The following C1QTNF3 variants were observed in gnomAD, a reference collection of about 807,000 sequenced individuals.
C1QTNF3 encodes complement C1q tumor necrosis factor-related protein 3.
C1QTNF3 carries 26 observed loss-of-function variants against 32.6 expected under a neutral mutation model. That is an observed-to-expected ratio of 0.80 (90% confidence interval 0.58 to 1.11). C1QTNF3 has a LOEUF of 1.11. C1QTNF3 is among the 50% of genes least tolerant of loss of function. The pLI is 0.00. For missense variants in C1QTNF3, 362 were observed against 398.2 expected (o/e 0.91, Z 0.77); for synonymous variants, 155 against 146.0 (o/e 1.06, Z -0.44).
the C1QTNF3 span, among the ~76,000 whole-genome samples, chr5:34,113,465 C>A: frequency 2.0e-5 from 3 of 151,984 alleles, no homozygotes; most frequent in East Asian, 5.8e-4. Flanking sequence ...CTCTTTGTCT[C>A]ATTTTTAACC....
the C1QTNF3 span, among the ~76,000 whole-genome samples, chr5:34,123,044 C>T: frequency 7.9e-5 from 12 of 151,354 alleles, no homozygotes; most frequent in African/African-American, 2.9e-4. Context: ...GCAGCCTTAG[C>T]GAAGTGTGTA....
chr5:34,064,818 C>T, the C1QTNF3 span, among the ~76,000 whole-genome samples: 1 of 152,268 alleles, frequency 6.6e-6, no homozygotes, highest in Middle Eastern at 3.4e-3. Context: ...GTTGCCTAGT[C>T]TTTTCTCTTA....
the C1QTNF3 span, among the ~76,000 whole-genome samples, chr5:34,177,606 C>T: frequency 1.1e-4 from 17 of 150,332 alleles, no homozygotes; most frequent in African/African-American, 4.2e-4. Flanking sequence ...CCTGCTTTAG[C>T]CTCCTGAGTA....
chr5:34,198,705 T>A, the C1QTNF3 span, among the ~76,000 whole-genome samples: 1 of 23,192 alleles, frequency 4.3e-5, no homozygotes, highest in Non-Finnish European at 7.9e-5. Flanking sequence ...CTTCTTAAAC[T>A]GAGAAGAATC....
the C1QTNF3 span, among the ~76,000 whole-genome samples, chr5:34,099,962 T>C: frequency 1.9e-4 from 29 of 151,876 alleles, no homozygotes; most frequent in African/African-American, 6.5e-4. Context: ...GATTGGACTC[T>C]TGTCACAAGC....
At chr5:34,126,423 A>T in the C1QTNF3 span, among the ~76,000 whole-genome samples, 1 of 150,430 alleles carries the variant, frequency 6.6e-6, no homozygotes, top group Non-Finnish European at 1.5e-5. Flanking sequence ...TCAGAAAATT[A>T]AAAATATACA....
At chr5:34,097,558 T>C in the C1QTNF3 span, among the ~76,000 whole-genome samples, 10 of 104,576 alleles carry the variant, frequency 9.6e-5, no homozygotes, top group Non-Finnish European at 1.6e-4. Flanking sequence ...CCAAGGACTA[T>C]GCTTCAACTA....
chr5:34,160,013 AC>A, the C1QTNF3 span, among the ~76,000 whole-genome samples: 9 of 152,218 alleles, frequency 5.9e-5, no homozygotes, highest in Non-Finnish European at 8.8e-5. Context: ...CTACCTTTAG[AC>A]CAAAGAAGCT....
intron 1 of C1QTNF3, among the ~76,000 whole-genome samples, chr5:34,040,235 G>C (rs905592756): frequency 6.6e-6 from 1 of 152,142 alleles, no homozygotes; most frequent in African/African-American, 2.4e-5. Flanking sequence ...TATGCAAAAG[G>C]CAGGTAAATT....
the C1QTNF3 span, among the ~76,000 whole-genome samples, chr5:34,212,058 A>C: frequency 6.6e-6 from 1 of 152,242 alleles, no homozygotes; most frequent in Non-Finnish European, 1.5e-5. Flanking sequence ...AAACAGAGAT[A>C]TAGATCAATG....
chr5:34,075,325 A>G, the C1QTNF3 span, among the ~76,000 whole-genome samples: 1 of 151,718 alleles, frequency 6.6e-6, no homozygotes, highest in Non-Finnish European at 1.5e-5. Flanking sequence ...AGAGGCAAAT[A>G]TAATTCACAA....
the C1QTNF3 span, among the ~76,000 whole-genome samples, chr5:34,061,791 G>A: frequency 6.6e-6 from 1 of 152,192 alleles, no homozygotes; most frequent in Non-Finnish European, 1.5e-5. Context: ...AGGCCTCTGA[G>A]CCTGTGATGG....
the C1QTNF3 span, among the ~76,000 whole-genome samples, chr5:34,062,408 C>T: frequency 1.3e-5 from 2 of 152,090 alleles, no homozygotes; most frequent in Non-Finnish European, 2.9e-5. Flanking sequence ...CTTTTTGTTG[C>T]CCCAGATTAA....
chr5:34,170,652 C>A, the C1QTNF3 span, among the ~76,000 whole-genome samples: 1 of 152,094 alleles, frequency 6.6e-6, no homozygotes, highest in Non-Finnish European at 1.5e-5. Context: ...ACTGAAAGTG[C>A]ATTAACTGAA....
chr5:34,025,122 A>C (rs1426216968), intron 4 of C1QTNF3, among the ~76,000 whole-genome samples: 2 of 152,238 alleles, frequency 1.3e-5, no homozygotes, highest in Non-Finnish European at 2.9e-5. Context: ...GAACAAAGGA[A>C]ATGGCCTAAA....
At chr5:34,207,734 T>TA in the C1QTNF3 span, among the ~76,000 whole-genome samples, 1 of 151,976 alleles carries the variant, frequency 6.6e-6, no homozygotes, top group African/African-American at 2.4e-5. Context: ...CTTGATAACT[T>TA]AAAGTAAAAA....
At chr5:34,020,973 T>C (rs902650027) in intron 5 of C1QTNF3, among the ~76,000 whole-genome samples, 3 of 152,228 alleles carry the variant, frequency 2.0e-5, no homozygotes, top group African/African-American at 7.2e-5. Context: ...TTCATGACAA[T>C]GACCAGAATG....
At chr5:34,123,426 G>A in the C1QTNF3 span, among the ~76,000 whole-genome samples, 3 of 152,052 alleles carry the variant, frequency 2.0e-5, no homozygotes, top group African/African-American at 7.2e-5. Flanking sequence ...AACATGAGGT[G>A]TGTGTATTTT....
At chr5:34,207,425 G>C in the C1QTNF3 span, among the ~76,000 whole-genome samples, 3 of 152,008 alleles carry the variant, frequency 2.0e-5, no homozygotes, top group African/African-American at 7.3e-5. Flanking sequence ...GGTAACATGA[G>C]TGAGAAGAAA....
Sources: allele counts gnomAD v4.1 joint callset (sites outside exome capture counted in the v4.1 genomes callset), GRCh38; gene constraint gnomAD v4.1.1; transcripts MANE v1.5; gene names NCBI Gene and HGNC (gene_info 2026-07-23, HGNC 2026-07-21).